Variants in MRPL40 observed in about 807,000 individuals in gnomAD.
The protein encoded by MRPL40 is mitochondrial ribosomal protein L40.
In MRPL40, 18 loss-of-function variants were observed where a neutral mutation model predicts 24.5. The ratio of observed to expected loss-of-function variants is 0.73; its 90% CI spans 0.51 to 1.09. The LOEUF is 1.09. Among genes scored for constraint, MRPL40 ranks in the 50% least tolerant of loss-of-function variants. The pLI is 0.00. For synonymous variants in MRPL40, 108 were observed against 94.6 expected (o/e 1.14, Z -0.82); for missense variants, 256 against 243.8 (o/e 1.05, Z -0.33).
chr22:19,434,078 A>G (rs1004703439), intron 2 of MRPL40, among the ~76,000 whole-genome samples: 2 of 151,032 alleles, frequency 1.3e-5, no homozygotes, highest in Non-Finnish European at 3.0e-5. Flanking sequence ...CCACAAATCA[A>G]TTTTAATAGT....
At chr22:19,434,625 C>A in intron 2 of MRPL40, 111 bp from the exon 3 acceptor site, 1 of 841,264 alleles carries the variant, frequency 1.2e-6, no homozygotes, top group Non-Finnish European at 1.8e-6. Flanking sequence ...GTTAGTCATG[C>A]ACAGCTCCTT....
intron 2 of MRPL40, among the ~76,000 whole-genome samples, chr22:19,433,745 C>G (rs1569319358): frequency 6.6e-6 from 1 of 151,858 alleles, no homozygotes; most frequent in Non-Finnish European, 1.5e-5. Flanking sequence ...TTCAGTCAAT[C>G]TTGATAGTAA....
rs773033924 is a variant in MRPL40 at position 19,433,290 on chromosome 22, C to A, written c.79C>A (p.Leu27Ile). ...GCTTCTGGGAACTTGGCAGACGCAG[C>A]TTAGAGAGACTCACCAGCGAGCGTC... is the stretch of plus-strand genomic sequence containing the variant. ...SGLLGTWQTQ[L>I]RETHQRASLL... Residue 27 changes from leucine to isoleucine, a missense_variant, in exon 2 of 4, where the codon CTT becomes ATT. Coordinates refer to ENST00000333130, the MANE Select transcript of MRPL40 (RefSeq NM_003776.4). 6 of 1,612,788 alleles carry A rather than the reference C, an allele frequency of 3.7e-6. No homozygotes were observed. The highest frequency in any genetic ancestry group is 4.2e-6 in the Non-Finnish European group (5 of 1,178,904).
At chr22:19,433,131 T>A (rs2089559199) in intron 1 of MRPL40, 134 bp from the exon 2 acceptor site, 2 of 564,086 alleles carry the variant, frequency 3.5e-6, no homozygotes, top group Admixed American at 2.9e-5. Context: ...TTCACCATGT[T>A]GGCCAGGCTG....
At chr22:19,435,506 C>A in intron 3 of MRPL40, 132 bp from the exon 4 acceptor site, 2 of 830,254 alleles carry the variant, frequency 2.4e-6, no homozygotes, top group Non-Finnish European at 3.9e-6. Flanking sequence ...ATTCAACATT[C>A]CATTTCTTAA....
chr22:19,433,287 C>A lies in MRPL40; in HGVS notation c.76C>A (p.Gln26Lys). ...TSGLLGTWQT[Q>K]LRETHQRASL... The stretch of plus-strand genomic sequence containing the variant: ...CAGGCTTCTGGGAACTTGGCAGACG[C>A]AGCTTAGAGAGACTCACCAGCGAGC... Residue 26 changes from glutamine (Q) to lysine (K), a missense_variant, in exon 2 of 4, where the codon CAG becomes AAG. Transcript: ENST00000333130. 1.2e-6 allele frequency: 2 copies of A among 1,612,604 alleles called. No homozygotes were observed. Among genetic ancestry groups the A allele is most frequent in the Non-Finnish European group, 1.7e-6 (2 of 1,178,722 alleles).
chr22:19,433,997 T>C (rs552274838), intron 2 of MRPL40, among the ~76,000 whole-genome samples: 17 of 152,086 alleles, frequency 1.1e-4, no homozygotes, highest in Non-Finnish European at 2.2e-4. Context: ...CTCGAACTCC[T>C]GATCTCAGGT....
intron 3 of MRPL40, 36 bp from the exon 4 acceptor site, chr22:19,435,602 T>G: frequency 2.6e-6 from 4 of 1,562,884 alleles, no homozygotes; most frequent in Admixed American, 3.5e-5. Context: ...CAGACTTACA[T>G]GCCAGTGAGA....
chr22:19,433,040 C>A (rs3747063), intron 1 of MRPL40: 2 of 542,688 alleles, frequency 3.7e-6, no homozygotes, highest in East Asian at 4.4e-5. Flanking sequence ...AGCAGTTCTG[C>A]CCCGGCCTCC....
chr22:19,432,595 GC>G lies in MRPL40; in HGVS notation c.44del (p.Pro15ArgfsTer31). ...CTGCGAAGTATCTCGCTAGCCCTGC[GC>G]CCGACTAGCGGGTGAGTGCGGACGC... ...SVLRSISLAL[R>X]PTSGLLGTWQ... is the part of the protein sequence containing the mutation. On this transcript the variant is annotated frameshift_variant, in exon 1 of 4. Transcript: ENST00000333130. LOFTEE classifies it high-confidence loss of function. 2 of 1,554,034 alleles carry G rather than the reference GC, an allele frequency of 1.3e-6. No homozygotes were observed. The highest frequency in any genetic ancestry group is 1.7e-6 in the Non-Finnish European group (2 of 1,150,266).
chr22:19,434,730 T>G lies in MRPL40; in HGVS notation c.138-6T>G. Reference sequence around the variant, plus strand: ...GAAAATGTTTAATATTTGCTTTATCTATTAGATCAGAACCTCTTCGAAAAA... The same window carrying G: ...GAAAATGTTTAATATTTGCTTTATCGATTAGATCAGAACCTCTTCGAAAAA... On this transcript the variant is annotated splice_region_variant and splice_polypyrimidine_tract_variant and intron_variant, in intron 2 of 3. Coordinates refer to ENST00000333130, the MANE Select transcript of MRPL40 (RefSeq NM_003776.4). 1 of 1,578,088 alleles carries G rather than the reference T, an allele frequency of 6.3e-7. No individual in the cohort carries two copies. Among genetic ancestry groups the G allele is most frequent in the African/African-American group, 1.4e-5 (1 of 72,512 alleles).
intron 2 of MRPL40, among the ~76,000 whole-genome samples, 196 bp from the exon 3 acceptor site, chr22:19,434,540 T>C (rs2089574128): frequency 6.6e-6 from 1 of 152,120 alleles, no homozygotes; most frequent in Non-Finnish European, 1.5e-5. Context: ...TACTATTTCT[T>C]GTAATTGATG....
At chr22:19,432,773 T>C in intron 1 of MRPL40, 166 bp downstream of exon 1, 1 of 1,390,010 alleles carries the variant, frequency 7.2e-7, no homozygotes, top group Admixed American at 3.4e-5. Context: ...CTGAGCACCC[T>C]GGCGAGCAGC....
At chr22:19,433,005 C>G in intron 1 of MRPL40, 1 of 632,172 alleles carries the variant, frequency 1.6e-6, no homozygotes, top group Non-Finnish European at 2.4e-6. Flanking sequence ...TTTCGGCTCA[C>G]TGCAACCTCT....
Position 19,434,837 on chromosome 22 carries a change from A to C in MRPL40, c.239A>C (p.Gln80Pro), listed in dbSNP as rs572305082. The C allele has an allele frequency of 5.0e-6, 8 of 1,611,522 alleles. No homozygotes were observed. The African/African-American group carries it at 1.1e-4, about 22-fold the overall frequency. ...ATCCGAAAACTGGAAAAGGCTACTC[A>C]AGAGCTAATTCCTATTGAAGATTTT... ...RKIRKLEKAT[Q>P]ELIPIEDFIT... is the part of the protein sequence containing the mutation. The change falls in exon 3 of 4, where the codon CAA becomes CCA. Residue 80 changes from glutamine to proline, a missense_variant. Physicochemically the swap from Gln to Pro is moderately conservative, Grantham distance 76. Transcript: ENST00000333130.
At chr22:19,432,650 G>C in intron 1 of MRPL40, 43 bp downstream of exon 1, 1 of 1,524,346 alleles carries the variant, frequency 6.6e-7, no homozygotes, top group Admixed American at 2.1e-5. Context: ...CCCAGGGCGC[G>C]TGCGGGGTCT....
In MRPL40 at chr22:19,435,769, A is replaced by G; in HGVS notation, c.428A>G (p.Gln143Arg). 1.2e-6 allele frequency: 2 copies of G among 1,614,222 alleles called. No individual in the cohort carries two copies. The highest frequency in any genetic ancestry group is 1.7e-6 in the Non-Finnish European group (2 of 1,180,030). The change falls in exon 4 of 4, where the codon CAG becomes CGG. Residue 143 changes from glutamine (Q) to arginine (R), a missense_variant. Gln to Arg is a conservative substitution (Grantham distance 43, BLOSUM62 1). Transcript: ENST00000333130. ...RDTIRAMLEA[Q>R]QEALEELQLE... ...ACCATCAGGGCTATGCTAGAAGCCC[A>G]GCAGGAAGCTCTGGAGGAACTGCAA...
rs771250134 is a variant in MRPL40 at position 19,435,641 on chromosome 22, G to A, written c.300G>A (p.Glu100=). The change falls in exon 4 of 4, where the codon GAG becomes GAA. Residue 100 remains glutamate, a synonymous_variant. Transcript: ENST00000333130. ...TPLKFLDKAR[E]RPQVELTFEE... The stretch of plus-strand genomic sequence containing the variant: ...GTAACCCTTAGCTTCTTTGCAGAGA[G>A]CGGCCTCAGGTGGAGCTCACCTTTG... 6.2e-7 allele frequency: 1 copy of A among 1,611,368 alleles called. No homozygotes were observed. Among genetic ancestry groups the A allele is most frequent in the South Asian group, 1.1e-5 (1 of 90,844 alleles).
chr22:19,432,956 G>A (rs1307076643), intron 1 of MRPL40: 2 of 1,018,332 alleles, frequency 2.0e-6, no homozygotes, highest in African/African-American at 1.7e-5. Flanking sequence ...TTGAGACAGA[G>A]TCTCGCTCTG....
Sources: allele counts gnomAD v4.1 joint callset (sites outside exome capture counted in the v4.1 genomes callset), GRCh38; gene constraint gnomAD v4.1.1; transcripts MANE v1.5; gene names NCBI Gene and HGNC (gene_info 2026-07-23, HGNC 2026-07-21).